Variants in PRIM2 observed in about 807,000 individuals in gnomAD.
PRIM2 encodes the protein DNA primase subunit 2, also known as DNA primase large subunit.
Under a neutral mutation model 67.3 loss-of-function variants are expected in PRIM2, and 39 were observed. The observed-to-expected ratio is 0.58, with a 90% CI of 0.45 to 0.76. PRIM2 has a LOEUF of 0.76. Ranked by LOEUF, PRIM2 falls within the 30% of genes least tolerant of loss-of-function variation. The pLI, the probability that PRIM2 is intolerant of heterozygous loss-of-function variation, is 0.00. For missense variants in PRIM2, 398 were observed against 598.7 expected, an observed-to-expected ratio of 0.66 and a Z score of 3.50; for synonymous variants, 143 against 198.7, an observed-to-expected ratio of 0.72 and a Z score of 2.36.
intron 13 of PRIM2, among the ~76,000 whole-genome samples, chr6:57,645,228 C>T: frequency 6.6e-6 from 1 of 151,588 alleles, no homozygotes; most frequent in South Asian, 2.1e-4. Flanking sequence ...TATTTACTGG[C>T]CTACAATGTG....
intron 5 of PRIM2, among the ~76,000 whole-genome samples, chr6:57,361,681 A>G (rs1233448573): frequency 3.3e-5 from 5 of 151,512 alleles, no homozygotes; most frequent in Non-Finnish European, 5.9e-5. Context: ...AGCACATCCT[A>G]TGTAGAAATT....
chr6:57,431,940 A>G (rs1771844374), intron 7 of PRIM2, among the ~76,000 whole-genome samples: 2 of 152,190 alleles, frequency 1.3e-5, no homozygotes. Context: ...GTTGTGGCTG[A>G]AAGGGAGTGA....
intron 8 of PRIM2, among the ~76,000 whole-genome samples, chr6:57,528,782 T>C (rs1227044718): frequency 6.6e-6 from 1 of 152,336 alleles, no homozygotes; most frequent in Non-Finnish European, 1.5e-5. Context: ...CATGCTGTTG[T>C]CTCTCTTACA....
At chr6:57,414,099 G>A (rs1432165911) in intron 7 of PRIM2, among the ~76,000 whole-genome samples, 1 of 152,128 alleles carries the variant, frequency 6.6e-6, no homozygotes, top group Non-Finnish European at 1.5e-5. Context: ...ATAAGTCATG[G>A]TATAGGAAGA....
At chr6:57,541,861 C>G (rs2127471785) in intron 10 of PRIM2, among the ~76,000 whole-genome samples, 1 of 151,976 alleles carries the variant, frequency 6.6e-6, no homozygotes, top group Admixed American at 6.5e-5. Context: ...ACTACCAATT[C>G]AAATGTTAAT....
chr6:57,573,106 G>A (rs1398709857), intron 10 of PRIM2, among the ~76,000 whole-genome samples: 2 of 152,200 alleles, frequency 1.3e-5, no homozygotes, highest in Non-Finnish European at 2.9e-5. Flanking sequence ...TTATATGCTT[G>A]AGCCACTGCA....
the PRIM2 span, among the ~76,000 whole-genome samples, chr6:57,279,118 C>A: frequency 6.6e-6 from 1 of 152,082 alleles, no homozygotes. Context: ...TCTGTGAAAC[C>A]CTAAACCCAA....
chr6:57,490,773 A>G (rs1368501694), intron 7 of PRIM2, among the ~76,000 whole-genome samples: 16 of 152,268 alleles, frequency 1.1e-4, no homozygotes, highest in African/African-American at 3.9e-4. Flanking sequence ...GAAAATATAT[A>G]TTTTTTATTT....
intron 1 of PRIM2, 156 bp from the exon 2 acceptor site, chr6:57,318,281 G>C (rs541085935): frequency 4.5e-6 from 1 of 221,216 alleles, no homozygotes; most frequent in South Asian, 1.6e-4. Flanking sequence ...AACGAGAGAA[G>C]GACATCACCC....
intron 7 of PRIM2, among the ~76,000 whole-genome samples, chr6:57,434,544 G>A (rs1771948511): frequency 6.6e-6 from 1 of 152,052 alleles, no homozygotes; most frequent in Admixed American, 6.6e-5. Context: ...ACCAATCAAG[G>A]AAGTTACGTT....
chr6:57,427,414 G>A (rs763113742), intron 7 of PRIM2, among the ~76,000 whole-genome samples: 1 of 152,126 alleles, frequency 6.6e-6, no homozygotes, highest in Non-Finnish European at 1.5e-5. Context: ...CGTCTCCTGG[G>A]TTCAAGCTAT....
chr6:57,547,584 C>A (rs1210611956), intron 10 of PRIM2, among the ~76,000 whole-genome samples: 3 of 152,184 alleles, frequency 2.0e-5, no homozygotes, highest in Non-Finnish European at 4.4e-5. Flanking sequence ...TTACATTGAA[C>A]TGGATAATTC....
chr6:57,532,707 CTA>C (rs1774918108), intron 9 of PRIM2, among the ~76,000 whole-genome samples: 1 of 152,124 alleles, frequency 6.6e-6, no homozygotes, highest in African/African-American at 2.4e-5. Flanking sequence ...ATTTAATCAA[CTA>C]TTCCAAACAG....
At chr6:57,644,092 ACT>A (rs1339352626) in intron 13 of PRIM2, among the ~76,000 whole-genome samples, 5 of 152,110 alleles carry the variant, frequency 3.3e-5, no homozygotes, top group Middle Eastern at 6.8e-3. Context: ...GTTTTTGGTG[ACT>A]CTGTGTTGCC....
intron 7 of PRIM2, among the ~76,000 whole-genome samples, chr6:57,442,515 T>C (rs9475955): frequency 0.035 from 5,300 of 151,346 alleles, 329 homozygotes; most frequent in African/African-American, 0.12. Flanking sequence ...ACTAGAGAAT[T>C]ATGGTCAGGA....
chr6:57,497,018 T>C (rs1306481946), intron 7 of PRIM2, among the ~76,000 whole-genome samples: 1 of 152,146 alleles, frequency 6.6e-6, no homozygotes, highest in African/African-American at 2.4e-5. Context: ...TGGCCAAATG[T>C]ATGGGGCTAA....
intron 10 of PRIM2, among the ~76,000 whole-genome samples, chr6:57,576,575 T>G (rs1401672397): frequency 2.5e-4 from 38 of 152,094 alleles, no homozygotes; most frequent in Non-Finnish European, 4.3e-4. Context: ...GTTTAGGGGC[T>G]TTAATTCTGA....
At position 57,467,121 on chromosome 6, in the gene PRIM2, G is replaced by GA. The variant is rs1442922940; in HGVS notation, c.694-40262dup. Among the ~76,000 whole-genome samples, 31 of 136,760 alleles carry GA rather than the reference G, an allele frequency of 2.3e-4. 2 individuals are homozygous for GA. The highest frequency in any genetic ancestry group is 6.5e-4 in the African/African-American group (24 of 36,842). The allele number at this position is 136,760 out of a possible 152,430, so 89.7% of individuals were successfully genotyped here. On this transcript the variant is annotated intron_variant, in intron 7 of 13. Transcript: ENST00000615550. ...ACTCCATCTCAAAAAAAAAAAAAAA[G>GA]AAAAGAAAAAAAGATCCCATTTGTT... is the stretch of plus-strand genomic sequence containing the variant.
At chr6:57,506,946 A>G (rs1377461535) in intron 7 of PRIM2, among the ~76,000 whole-genome samples, 1 of 152,174 alleles carries the variant, frequency 6.6e-6, no homozygotes, top group African/African-American at 2.4e-5. Flanking sequence ...GTATGTAACC[A>G]GTTTCACAGT....
Sources: allele counts gnomAD v4.1 joint callset (sites outside exome capture counted in the v4.1 genomes callset), GRCh38; gene constraint gnomAD v4.1.1; transcripts MANE v1.5; gene names NCBI Gene and HGNC (gene_info 2026-07-23, HGNC 2026-07-21).